Variants in HDAC1 observed in about 807,000 individuals in gnomAD.
HDAC1 encodes protein deacetylase HDAC1.
In HDAC1, 18 loss-of-function variants were observed where a neutral mutation model predicts 65.5. The observed-to-expected ratio is 0.27, with a 90% CI of 0.19 to 0.41. The LOEUF (loss-of-function observed/expected upper bound fraction) is 0.41. Among genes scored for constraint, HDAC1 ranks in the 10% least tolerant of loss-of-function variants. The probability of loss-of-function intolerance (pLI) is 1.00; values close to 1 mark genes in which losing one functional copy is unlikely to be tolerated. For synonymous variants in HDAC1, 211 were observed against 227.9 expected, an observed-to-expected ratio of 0.93 and a Z score of 0.67; for missense variants, 373 against 625.2, an observed-to-expected ratio of 0.60 and a Z score of 4.30.
intron 2 of HDAC1, among the ~76,000 whole-genome samples, chr1:32,310,580 T>A (rs1433946353): frequency 6.6e-6 from 1 of 152,136 alleles, no homozygotes; most frequent in Non-Finnish European, 1.5e-5. Flanking sequence ...CCGGGCGCAG[T>A]GGCTCACGCT....
At chr1:32,300,015 A>G (rs1488028613) in intron 1 of HDAC1, among the ~76,000 whole-genome samples, 2 of 151,904 alleles carry the variant, frequency 1.3e-5, no homozygotes, top group Non-Finnish European at 2.9e-5. Context: ...CCGAGATCGC[A>G]CCACTGCACT....
At chr1:32,292,891 C>T (rs941737548) in intron 1 of HDAC1, among the ~76,000 whole-genome samples, 1 of 152,056 alleles carries the variant, frequency 6.6e-6, no homozygotes, top group South Asian at 2.1e-4. Context: ...GAAGAGGCAC[C>T]GAACTCCACC....
chr1:32,333,165 C>T lies in HDAC1; in HGVS notation c.*121C>T. 6 of 853,824 alleles carry T rather than the reference C, an allele frequency of 7.0e-6. No individual in the cohort carries two copies. Among genetic ancestry groups the T allele is most frequent in the Non-Finnish European group, 1.1e-5 (6 of 567,588 alleles). 52.9% of individuals were successfully genotyped at this position (853,824 alleles called of 1,614,324 possible). Reference sequence around the variant, plus strand: ...AAAAATTTATTAAATATAAATATCCCCAGGGACAGAAACCAAGGCCCCGAG... The same window carrying T: ...AAAAATTTATTAAATATAAATATCCTCAGGGACAGAAACCAAGGCCCCGAG... On this transcript the variant is annotated 3_prime_UTR_variant, in exon 14 of 14. Transcript: ENST00000373548.
intron 3 of HDAC1, among the ~76,000 whole-genome samples, chr1:32,321,817 C>T (rs1035515332): frequency 6.6e-6 from 1 of 151,858 alleles, no homozygotes; most frequent in Non-Finnish European, 1.5e-5. Flanking sequence ...GCTTTGGAAA[C>T]GCAGGCAGGC....
At chr1:32,298,575 C>G (rs902729709) in intron 1 of HDAC1, among the ~76,000 whole-genome samples, 12 of 152,166 alleles carry the variant, frequency 7.9e-5, no homozygotes, top group African/African-American at 1.2e-4. Context: ...CTTTGGGATT[C>G]AGATTTGGCT....
At chr1:32,292,567 C>A in intron 1 of HDAC1, 5 of 425,546 alleles carry the variant, frequency 1.2e-5, no homozygotes, top group African/African-American at 2.2e-5. Flanking sequence ...ATTTTCTTGC[C>A]GAGAACCCAA....
intron 4 of HDAC1, among the ~76,000 whole-genome samples, chr1:32,326,454 C>T (rs1481040781): frequency 2.0e-5 from 3 of 152,038 alleles, no homozygotes; most frequent in Non-Finnish European, 4.4e-5. Flanking sequence ...TGTGAGCCAC[C>T]GCGCATGGCC....
At chr1:32,300,411 T>C (rs1318983562) in intron 1 of HDAC1, among the ~76,000 whole-genome samples, 1 of 151,966 alleles carries the variant, frequency 6.6e-6, no homozygotes, top group Non-Finnish European at 1.5e-5. Flanking sequence ...GAAAATTAGC[T>C]GGATTTGGTG....
intron 2 of HDAC1, among the ~76,000 whole-genome samples, chr1:32,308,798 G>T (rs564950418): frequency 1.1e-4 from 17 of 151,734 alleles, no homozygotes; most frequent in African/African-American, 4.1e-4. Context: ...GATTACAGGC[G>T]TGAGCCACGG....
rs1387664298 is a variant in HDAC1 at position 32,315,858 on chromosome 1, G to T, written c.163-807G>T. Among the ~76,000 whole-genome samples the T allele has an allele frequency of 5.3e-5, 8 of 150,958 alleles. No individual in the cohort carries two copies. In the Middle Eastern group the frequency reaches 0.01, roughly 193 times the overall value. ...TGGGCGCCTGTAATCCCAACTACTC[G>T]GGAGGCTGAGGCAGGAGAATCGCTT... On this transcript the variant is annotated intron_variant, in intron 2 of 13. Transcript: ENST00000373548.
chr1:32,298,709 T>TA (rs1640806026), intron 1 of HDAC1, among the ~76,000 whole-genome samples: 2 of 152,128 alleles, frequency 1.3e-5, no homozygotes, highest in Admixed American at 1.3e-4. Context: ...TTTAAGAGTT[T>TA]AAAGTATGGC....
intron 3 of HDAC1, among the ~76,000 whole-genome samples, chr1:32,317,370 A>G (rs940493334): frequency 2.6e-5 from 4 of 151,446 alleles, no homozygotes; most frequent in South Asian, 2.1e-4. Context: ...TGTGAGGGGG[A>G]AAAAAAAAGT....
intron 2 of HDAC1, among the ~76,000 whole-genome samples, chr1:32,314,423 GTT>G (rs1641030349): frequency 1.3e-5 from 2 of 151,996 alleles, no homozygotes; most frequent in African/African-American, 2.4e-5. Flanking sequence ...AAACTCCTGG[GTT>G]CAAGTGATCC....
intron 1 of HDAC1, among the ~76,000 whole-genome samples, chr1:32,294,067 CA>C (rs1199332480): frequency 0.1 from 9,242 of 89,328 alleles, 883 homozygotes; most frequent in African/African-American, 0.3. Context: ...GACTTCGTCT[CA>C]AAAAAAAAAA....
chr1:32,303,496 G>A (rs1468211877), intron 2 of HDAC1, among the ~76,000 whole-genome samples: 1 of 151,976 alleles, frequency 6.6e-6, no homozygotes, highest in South Asian at 2.1e-4. Flanking sequence ...AAAATTTAAT[G>A]CCTAAATAAG....
intron 3 of HDAC1, among the ~76,000 whole-genome samples, chr1:32,321,184 T>G (rs1400942006): frequency 2.0e-5 from 3 of 150,852 alleles, no homozygotes; most frequent in African/African-American, 4.9e-5. Context: ...TGAGCTGACA[T>G]TGCGCCACTG....
At chr1:32,299,029 T>G (rs1361856762) in intron 1 of HDAC1, among the ~76,000 whole-genome samples, 1 of 152,072 alleles carries the variant, frequency 6.6e-6, no homozygotes, top group African/African-American at 2.4e-5. Flanking sequence ...AAGTAGTACC[T>G]AAATAAAAAG....
intron 1 of HDAC1, among the ~76,000 whole-genome samples, chr1:32,298,248 C>T (rs1640797334): frequency 6.6e-6 from 1 of 151,582 alleles, no homozygotes; most frequent in South Asian, 2.1e-4. Flanking sequence ...GCCACCACGC[C>T]CGGCTAATTT....
At chr1:32,298,951 A>G (rs544223731) in intron 1 of HDAC1, among the ~76,000 whole-genome samples, 3 of 152,322 alleles carry the variant, frequency 2.0e-5, no homozygotes, top group South Asian at 2.1e-4. Context: ...TGAGCCTGAG[A>G]TCGCACCACT....
Sources: gnomAD v4.1 joint callset for allele counts (sites outside exome capture counted in the v4.1 genomes callset) on GRCh38, gnomAD v4.1.1 for gene constraint, MANE v1.5 for transcripts, NCBI Gene and HGNC (gene_info 2026-07-23, HGNC 2026-07-21) for gene names.